The following SPMIP3 variants were observed in gnomAD, a reference collection of about 807,000 sequenced individuals.
SPMIP3 encodes sperm microtubule inner protein 3.
At chr1:244,356,716 G>C in the SPMIP3 span, among the ~76,000 whole-genome samples, 4 of 152,190 alleles carry the variant, frequency 2.6e-5, no homozygotes, top group Admixed American at 2.6e-4. Context: ...AAATTCAATA[G>C]AATGAAATAT....
chr1:244,362,563 G>T, the SPMIP3 span, among the ~76,000 whole-genome samples: 11 of 152,114 alleles, frequency 7.2e-5, no homozygotes, highest in African/African-American at 2.7e-4. Flanking sequence ...CAAGGACACA[G>T]AACACTCTCG....
At chr1:244,385,921 T>C in the SPMIP3 span, among the ~76,000 whole-genome samples, 1 of 152,172 alleles carries the variant, frequency 6.6e-6, no homozygotes, top group Middle Eastern at 3.4e-3. Flanking sequence ...CCCAGCACTT[T>C]GGGAGGCTGA....
the SPMIP3 span, among the ~76,000 whole-genome samples, chr1:244,359,321 C>T: frequency 3.3e-5 from 5 of 152,198 alleles, no homozygotes; most frequent in South Asian, 8.3e-4. Context: ...CCAGAGGCAA[C>T]CCACAGAATG....
At chr1:244,364,559 T>C in the SPMIP3 span, 1 of 773,404 alleles carries the variant, frequency 1.3e-6, no homozygotes, top group Non-Finnish European at 2.2e-6. Context: ...CCTATATGCA[T>C]AGTCCTTCTA....
the SPMIP3 span, among the ~76,000 whole-genome samples, chr1:244,354,109 C>T: frequency 2.0e-5 from 3 of 152,162 alleles, no homozygotes; most frequent in Non-Finnish European, 4.4e-5. Flanking sequence ...TACTCACCAG[C>T]TCACATGCCA....
At chr1:244,362,843 C>T in the SPMIP3 span, among the ~76,000 whole-genome samples, 3 of 117,568 alleles carry the variant, frequency 2.6e-5, no homozygotes, top group Admixed American at 9.7e-5. Flanking sequence ...TCCCTGTGAA[C>T]TTTTTTTTTT....
At chr1:244,355,951 T>C in the SPMIP3 span, among the ~76,000 whole-genome samples, 1 of 152,204 alleles carries the variant, frequency 6.6e-6, no homozygotes, top group East Asian at 1.9e-4. Context: ...TAAATGTTTG[T>C]TCTTTTTTTT....
the SPMIP3 span, among the ~76,000 whole-genome samples, chr1:244,369,665 T>C: frequency 6.6e-6 from 1 of 150,658 alleles, no homozygotes; most frequent in East Asian, 2.1e-4. Context: ...CTGATTTACA[T>C]AGGGCACGAA....
chr1:244,362,595 A>G, the SPMIP3 span, among the ~76,000 whole-genome samples: 1 of 151,892 alleles, frequency 6.6e-6, no homozygotes, highest in Non-Finnish European at 1.5e-5. Context: ...GCCTCATTCA[A>G]CCCTCCAGAG....
chr1:244,353,360 C>T, the SPMIP3 span, among the ~76,000 whole-genome samples: 8 of 152,088 alleles, frequency 5.3e-5, no homozygotes, highest in African/African-American at 9.7e-5. Context: ...GCCCGGGCAA[C>T]GTAGCAAGGT....
chr1:244,379,743 G>A, the SPMIP3 span, among the ~76,000 whole-genome samples: 1 of 152,116 alleles, frequency 6.6e-6, no homozygotes, highest in Non-Finnish European at 1.5e-5. Context: ...ACTTTGGGAG[G>A]CCGAGGCAGG....
At chr1:244,380,223 G>A in the SPMIP3 span, among the ~76,000 whole-genome samples, 1 of 147,664 alleles carries the variant, frequency 6.8e-6, no homozygotes, top group Non-Finnish European at 1.5e-5. Flanking sequence ...AGGTTCAAGC[G>A]ATTCTCCTGC....
At chr1:244,375,135 G>A in the SPMIP3 span, 2 of 310,010 alleles carry the variant, frequency 6.5e-6, no homozygotes, top group African/African-American at 2.1e-5. Context: ...ACAGATGCGG[G>A]AGGTTGTGGT....
chr1:244,364,096 C>A, the SPMIP3 span, among the ~76,000 whole-genome samples: 2 of 148,512 alleles, frequency 1.3e-5, no homozygotes, highest in Non-Finnish European at 3.0e-5. Flanking sequence ...AGCACAGTAC[C>A]TTTGCTTTTG....
At chr1:244,374,587 C>CTTTT in the SPMIP3 span, among the ~76,000 whole-genome samples, 260 of 74,650 alleles carry the variant, frequency 3.5e-3, 11 homozygotes, top group East Asian at 9.3e-3. Context: ...CCACATTTCT[C>CTTTT]TTTTTTTTTT....
chr1:244,377,146 C>T, the SPMIP3 span, among the ~76,000 whole-genome samples: 14 of 145,406 alleles, frequency 9.6e-5, no homozygotes, highest in Non-Finnish European at 2.0e-4. Flanking sequence ...TTTTTTGAGA[C>T]GGAGTCTCGC....
the SPMIP3 span, among the ~76,000 whole-genome samples, chr1:244,363,015 T>TG: frequency 0.018 from 2,690 of 150,416 alleles, 80 homozygotes; most frequent in African/African-American, 0.05. Flanking sequence ...GGCTTTTTTT[T>TG]TTGTTGTTGT....
At chr1:244,375,537 G>A in the SPMIP3 span, 3 of 1,247,208 alleles carry the variant, frequency 2.4e-6, no homozygotes, top group African/African-American at 3.0e-5. Context: ...GGGGTCGGCG[G>A]GGGGAAGATA....
At chr1:244,354,998 C>T in the SPMIP3 span, among the ~76,000 whole-genome samples, 2 of 152,138 alleles carry the variant, frequency 1.3e-5, no homozygotes, top group Non-Finnish European at 2.9e-5. Context: ...AACATGGCGG[C>T]GAAATCACGT....
Sources: gnomAD v4.1 joint callset for allele counts (sites outside exome capture counted in the v4.1 genomes callset) on GRCh38, gnomAD v4.1.1 for gene constraint, MANE v1.5 for transcripts, NCBI Gene and HGNC (gene_info 2026-07-23, HGNC 2026-07-21) for gene names.